The following LAMB1 variants were observed in gnomAD, a reference collection of about 807,000 sequenced individuals.
The protein encoded by LAMB1 is laminin subunit beta 1, also known as laminin subunit beta-1.
Under a neutral mutation model 222.3 loss-of-function variants are expected in LAMB1, and 121 were observed. The ratio of observed to expected loss-of-function variants is 0.54; its 90% CI spans 0.47 to 0.63. The LOEUF (loss-of-function observed/expected upper bound fraction) is 0.63. Ranked by LOEUF, LAMB1 falls within the 30% of genes least tolerant of loss-of-function variation. The probability of loss-of-function intolerance (pLI) is 0.00; values close to 1 mark genes in which losing one functional copy is unlikely to be tolerated. For missense variants in LAMB1, 2,172 were observed against 2,240.8 expected (o/e 0.97, Z 0.62); for synonymous variants, 794 against 807.2 (o/e 0.98, Z 0.28).
At position 107,986,361 on chromosome 7, in the gene LAMB1, T is replaced by C; in HGVS notation, c.426A>G (p.Thr142=). 1 of 1,581,240 alleles carries C rather than the reference T, an allele frequency of 6.3e-7. No homozygotes were observed. Residue 142 remains threonine, a splice_region_variant and synonymous_variant, in exon 6 of 34, where the codon ACA becomes ACG. Transcript: ENST00000222399. ...CTATCAGCATAGCAGCTGGACGGAATGTCTAAAGGCAGGAGCAAAAATCTC... is the reference window on the plus strand; with the variant it reads ...CTATCAGCATAGCAGCTGGACGGAACGTCTAAAGGCAGGAGCAAAAATCTC... ...HFTHLIMTFK[T]FRPAAMLIER...
In LAMB1 at chr7:107,953,695, ACCC is replaced by A; in HGVS notation, c.2911_2913del (p.Gly971del). ...TTGTGACACTGGCAAGGCTGACACG[ACCC>A]CCCAACTTCTGATGGATTGCCAAAG... On this transcript the variant is annotated inframe_deletion, in exon 22 of 34. Transcript: ENST00000222399. 3 of 1,613,424 alleles carry A rather than the reference ACCC, an allele frequency of 1.9e-6. No homozygotes were observed. The highest frequency in any genetic ancestry group is 2.5e-6 in the Non-Finnish European group (3 of 1,179,880).
rs147716415 is a variant in LAMB1, at chr7:107,965,366, G to A, written c.1563-679C>T. 3.6e-4 allele frequency among the ~76,000 whole-genome samples: 55 copies of A among 152,250 alleles called. 1 individual carries two copies. In the East Asian group the frequency reaches 0.01, roughly 28 times the overall value. On this transcript the variant is annotated intron_variant, in intron 13 of 33. Coordinates refer to ENST00000222399, the MANE Select transcript of LAMB1 (RefSeq NM_002291.3). The stretch of plus-strand genomic sequence containing the variant: ...AGGCCGAGACAGGCGGATCACCTGA[G>A]GTTGGGAGTTCGAGACCAGCCTCAC...
chr7:108,001,564 G>C lies in LAMB1; in HGVS notation c.207C>G (p.His69Gln). 1 of 1,597,930 alleles carries C rather than the reference G, an allele frequency of 6.3e-7. No individual in the cohort carries two copies. Among genetic ancestry groups the C allele is most frequent in the Non-Finnish European group, 8.6e-7 (1 of 1,168,364 alleles). ...CCCCGCTCTCAGCCCTCACCTGCAA[G>C]TGGCTGACGATACAGTAGGGTTCGG... ...HKPEPYCIVS[H>Q]LQEDKKCFIC... Residue 69 changes from histidine (H) to glutamine (Q), a missense_variant, in exon 3 of 34, where the codon CAC becomes CAG. Coordinates refer to ENST00000222399, the MANE Select transcript of LAMB1 (RefSeq NM_002291.3).
At chr7:107,969,357 T>C (rs1455093616) in intron 13 of LAMB1, among the ~76,000 whole-genome samples, 2 of 151,714 alleles carry the variant, frequency 1.3e-5, no homozygotes, top group Non-Finnish European at 2.9e-5. Context: ...ATTTAAATGG[T>C]GGTGAATAAA....
intron 7 of LAMB1, among the ~76,000 whole-genome samples, chr7:107,982,782 G>A (rs539727821): frequency 2.0e-5 from 3 of 152,264 alleles, no homozygotes; most frequent in African/African-American, 7.2e-5. Flanking sequence ...GTGAGTCTCA[G>A]GTCTCAACAA....
Position 107,932,166 on chromosome 7 carries a change from T to C in LAMB1, c.4392+8A>G. The C allele has an allele frequency of 6.2e-7, 1 of 1,612,812 alleles. No individual in the cohort carries two copies. The highest frequency in any genetic ancestry group is 8.5e-7 in the Non-Finnish European group (1 of 1,178,746). On this transcript the variant is annotated splice_region_variant and intron_variant, in intron 28 of 33. Transcript: ENST00000222399. ...CATAACAAAAACTGAGGCCATCCACTGAGTTACCATCTTGGAGAGCTGTTC... is the reference window on the plus strand; with the variant it reads ...CATAACAAAAACTGAGGCCATCCACCGAGTTACCATCTTGGAGAGCTGTTC...
At chr7:107,967,401 C>A (rs1044973037) in intron 13 of LAMB1, among the ~76,000 whole-genome samples, 1 of 152,182 alleles carries the variant, frequency 6.6e-6, no homozygotes, top group Non-Finnish European at 1.5e-5. Context: ...CTGCCTAGTC[C>A]ATCCTGTCTA....
At chr7:108,001,875 T>C (rs1247610219) in intron 2 of LAMB1, 142 bp from the exon 3 acceptor site, 7 of 1,486,060 alleles carry the variant, frequency 4.7e-6, no homozygotes, top group South Asian at 2.7e-5. Flanking sequence ...GAAAAGACAA[T>C]GGAGAGATGA....
intron 9 of LAMB1, among the ~76,000 whole-genome samples, chr7:107,976,869 TTC>T (rs2033869371): frequency 1.2e-5 from 1 of 83,988 alleles, no homozygotes; most frequent in Non-Finnish European, 2.6e-5. Flanking sequence ...CCTTCCTTCC[TTC>T]CTTTCCTCTT....
rs111492668 is a variant in LAMB1 at position 107,987,582 on chromosome 7, C to T, written c.424-1219G>A. 9.4e-3 allele frequency among the ~76,000 whole-genome samples: 1,424 copies of T among 152,284 alleles called. 36 individuals are homozygous for T. The highest frequency in any genetic ancestry group is 0.032 in the African/African-American group (1,347 of 41,554). ...GTGGCACGATCTCAGTTCAATGCAT[C>T]CTCCGCCTCCTGGGTTCAAACAATT... On this transcript the variant is annotated intron_variant, in intron 5 of 33. Transcript: ENST00000222399.
In LAMB1 at chr7:107,969,283, G is replaced by A. The variant is rs914896710; in HGVS notation, c.1562+3709C>T. Among the ~76,000 whole-genome samples the A allele has an allele frequency of 2.6e-3, 323 of 124,710 alleles. 1 individual carries two copies. Among genetic ancestry groups the A allele is most frequent in the Non-Finnish European group, 4.1e-3 (261 of 63,664 alleles). The allele number at this position is 124,710 out of a possible 152,430, so 81.8% of individuals were successfully genotyped here. A position where few individuals can be genotyped will look rare whatever the true frequency, so the allele number is the denominator to read the frequency against. On this transcript the variant is annotated intron_variant, in intron 13 of 33. Transcript: ENST00000222399. ...AGCCTGGGCGACAGAGCGAGACTCC[G>A]TCTCAAAAAAAAAAAAAAAAAATCA...
intron 24 of LAMB1, 161 bp from the exon 25 acceptor site, chr7:107,940,519 G>T: frequency 1.5e-6 from 1 of 668,222 alleles, no homozygotes; most frequent in Non-Finnish European, 2.5e-6. Context: ...GCTTCCTCTA[G>T]CACATGCGTG....
chr7:107,974,523 T>G (rs2033813267), intron 12 of LAMB1, among the ~76,000 whole-genome samples: 1 of 151,996 alleles, frequency 6.6e-6, no homozygotes. Flanking sequence ...ATGAGTCTTC[T>G]GGAGAATAAA....
Position 107,961,226 on chromosome 7 carries a change from G to T in LAMB1, c.2089C>A (p.Pro697Thr). The T allele has an allele frequency of 6.2e-7, 1 of 1,614,012 alleles. No individual in the cohort carries two copies. ...CTTACAGAATCGATCAGCGTGTAGG[G>T]GCTCTCCACGTCGCTATCAGAGGAG... Reference protein sequence around the residue: ...YTSSDSDVESPYTLIDSLVLM... With the variant: ...YTSSDSDVESTYTLIDSLVLM... The change falls in exon 17 of 34, where the codon CCC becomes ACC. Residue 697 changes from proline to threonine, a missense_variant. Physicochemically the swap from Pro to Thr is conservative, Grantham distance 38. Transcript: ENST00000222399.
chr7:107,996,392 C>T (rs1465729282), intron 4 of LAMB1, among the ~76,000 whole-genome samples: 1 of 152,138 alleles, frequency 6.6e-6, no homozygotes, highest in African/African-American at 2.4e-5. Flanking sequence ...GAGATCATCA[C>T]GATGGGTAAA....
chr7:107,944,496 G>A (rs942150831), intron 24 of LAMB1, among the ~76,000 whole-genome samples: 3 of 152,114 alleles, frequency 2.0e-5, no homozygotes, highest in African/African-American at 4.8e-5. Context: ...ACAGATGACC[G>A]GATTGCAGTG....
intron 4 of LAMB1, among the ~76,000 whole-genome samples, chr7:107,996,447 A>C (rs1028329286): frequency 7.2e-5 from 11 of 152,240 alleles, no homozygotes; most frequent in Non-Finnish European, 1.3e-4. Flanking sequence ...GGACACTGAT[A>C]ATTTAGCCCC....
rs574575737 is a variant in LAMB1, at chr7:107,988,064, G to T, written c.424-1701C>A. Among the ~76,000 whole-genome samples the T allele has an allele frequency of 3.3e-5, 5 of 152,136 alleles. No individual in the cohort carries two copies. In the East Asian group the frequency reaches 5.8e-4, roughly 18 times the overall value. On this transcript the variant is annotated intron_variant, in intron 5 of 33. Coordinates refer to ENST00000222399, the MANE Select transcript of LAMB1 (RefSeq NM_002291.3). ...AACCAAGTGAAAGAAAAAAGATGAC[G>T]GTTTTAACCTGAGAAATTACAATGT... is the stretch of plus-strand genomic sequence containing the variant.
In LAMB1 at chr7:107,947,983, C is replaced by CTTTTTTT. The variant is rs10630521; in HGVS notation, c.3391+3236_3391+3242dup. Among the ~76,000 whole-genome samples, 32 of 117,246 alleles carry CTTTTTTT rather than the reference C, an allele frequency of 2.7e-4. 3 individuals are homozygous for CTTTTTTT. The highest frequency in any genetic ancestry group is 9.0e-4 in the African/African-American group (27 of 30,088). The allele number at this position is 117,246 out of a possible 152,430, so 76.9% of individuals were successfully genotyped here. A position where few individuals can be genotyped will look rare whatever the true frequency, so the allele number is the denominator to read the frequency against. ...CCCCAACATTTTATATCTTCTTCTTCTTTTTTTTTTTTTTTTTTTGAGACA... is the reference window on the plus strand; with the variant it reads ...CCCCAACATTTTATATCTTCTTCTTCTTTTTTTTTTTTTTTTTTTTTTTTTTGAGACA... On this transcript the variant is annotated intron_variant, in intron 24 of 33. Transcript: ENST00000222399.
Sources: allele counts gnomAD v4.1 joint callset (sites outside exome capture counted in the v4.1 genomes callset), GRCh38; gene constraint gnomAD v4.1.1; transcripts MANE v1.5; gene names NCBI Gene and HGNC (gene_info 2026-07-23, HGNC 2026-07-21).